The following USP42 variants were observed in gnomAD, a reference collection of about 807,000 sequenced individuals.
The protein encoded by USP42 is ubiquitin specific peptidase 42.
A neutral mutation model predicts 113.0 loss-of-function variants in USP42; 23 were observed. That is an observed-to-expected ratio of 0.20 (90% CI 0.15 to 0.29). The LOEUF (loss-of-function observed/expected upper bound fraction) is 0.29. USP42 is among the 10% of genes least tolerant of loss of function. The probability of loss-of-function intolerance (pLI) is 1.00; values close to 1 mark genes in which losing one functional copy is unlikely to be tolerated. For missense variants in USP42, 2,174 were observed against 1,779.8 expected, an observed-to-expected ratio of 1.22 and a Z score of -3.99; for synonymous variants, 933 against 699.0, an observed-to-expected ratio of 1.33 and a Z score of -5.28.
rs1306215467 is a variant in USP42, at chr7:6,139,105, C to T, written c.567C>T (p.His189=). The T allele has an allele frequency of 1.8e-5, 29 of 1,607,740 alleles. No homozygotes were observed. Among genetic ancestry groups the T allele is most frequent in the Non-Finnish European group, 2.3e-5 (27 of 1,177,088 alleles). ...GAAATTTTACAGGTATAGCTAGGCA[C>T]TTCCGTTTTGGAAACCAAGAAGATG... ...VINEMRRIAR[H]FRFGNQEDAH... The change falls in exon 5 of 18, where the codon CAC becomes CAT. Residue 189 remains histidine (H), a synonymous_variant. Coordinates refer to ENST00000306177, the MANE Select transcript of USP42 (RefSeq NM_032172.3). This position sits in a 1 kb window ranked among gnomAD's most constrained non-coding sequence, Gnocchi z 4.5.
chr7:6,139,511 T>C lies in USP42; in HGVS notation c.656+317T>C. The C allele has an allele frequency of 8.6e-6, 2 of 232,132 alleles. 1 individual carries two copies. Among genetic ancestry groups the C allele is most frequent in the South Asian group, 1.9e-4 (2 of 10,660 alleles). 14.4% of individuals were successfully genotyped at this position (232,132 alleles called of 1,614,324 possible). A position where few individuals can be genotyped will look rare whatever the true frequency, so the allele number is the denominator to read the frequency against. ...CAAACTAGCTGCTTCTCCTTTCTAG[T>C]TGTGCCTGACATTTTCTTTTCTCTG... On this transcript the variant is annotated intron_variant, in intron 5 of 17. Coordinates refer to ENST00000306177, the MANE Select transcript of USP42 (RefSeq NM_032172.3). This position sits in a 1 kb window ranked among gnomAD's most constrained non-coding sequence, Gnocchi z 4.5.
chr7:6,117,426 T>C (rs1779970832), intron 3 of USP42, among the ~76,000 whole-genome samples: 1 of 152,238 alleles, frequency 6.6e-6, no homozygotes, highest in Admixed American at 6.5e-5. Context: ...TAGATCACAA[T>C]TTGTTTCTCC....
At chr7:6,137,804 C>T (rs1445401612) in intron 4 of USP42, among the ~76,000 whole-genome samples, 2 of 152,124 alleles carry the variant, frequency 1.3e-5, no homozygotes, top group Non-Finnish European at 2.9e-5. Context: ...CGTCAGCCTC[C>T]TGAGTAGCTG....
At chr7:6,145,697 T>C (rs373581855) in intron 10 of USP42, 41 bp downstream of exon 10, 38 of 1,590,460 alleles carry the variant, frequency 2.4e-5, no homozygotes, top group Non-Finnish European at 3.3e-5. Context: ...GTTACATACA[T>C]GCTATAAGAC....
intron 4 of USP42, among the ~76,000 whole-genome samples, chr7:6,137,749 G>A (rs558189055): frequency 1.3e-5 from 2 of 152,200 alleles, no homozygotes; most frequent in Non-Finnish European, 1.5e-5. Flanking sequence ...GTGCAGTCTT[G>A]GCTCACTGCA....
intron 1 of USP42, among the ~76,000 whole-genome samples, chr7:6,109,439 C>G (rs1779471040): frequency 6.6e-6 from 1 of 152,172 alleles, no homozygotes. Context: ...CTATGTCAGT[C>G]TGGAGTGCAG....
At chr7:6,093,130 C>T in the USP42 span, 1 of 149,840 alleles carries the variant, frequency 6.7e-6, no homozygotes, top group South Asian at 2.1e-4. Flanking sequence ...TTCTTCCTTC[C>T]TTTCCTTTCC....
At chr7:6,117,823 G>A (rs764349842) in intron 3 of USP42, among the ~76,000 whole-genome samples, 3 of 151,950 alleles carry the variant, frequency 2.0e-5, no homozygotes, top group Non-Finnish European at 2.9e-5. Context: ...TTTCTTTTTT[G>A]TTTTGTTTTT....
At chr7:6,090,748 T>C in the USP42 span, among the ~76,000 whole-genome samples, 1 of 145,794 alleles carries the variant, frequency 6.9e-6, no homozygotes, top group Non-Finnish European at 1.5e-5. Context: ...ACTATATATA[T>C]ATTATATACT....
At position 6,150,434 on chromosome 7, in the gene USP42, C is replaced by G; in HGVS notation, c.2129C>G (p.Ser710Cys). 2 of 1,613,878 alleles carry G rather than the reference C, an allele frequency of 1.2e-6. No individual in the cohort carries two copies. Among genetic ancestry groups the G allele is most frequent in the Non-Finnish European group, 1.7e-6 (2 of 1,179,864 alleles). The change falls in exon 14 of 18, where the codon TCT becomes TGT. Residue 710 changes from serine to cysteine, a missense_variant. Coordinates refer to ENST00000306177, the MANE Select transcript of USP42 (RefSeq NM_032172.3). ...PGKLMPAPLL[S>C]LPEDKILETF... ...CAGTTGATGCCTGCTCCTTTGCTGT[C>G]TCTCCCAGAAGACAAAATCTTAGAG...
chr7:6,129,434 G>A (rs1235039009), intron 3 of USP42, among the ~76,000 whole-genome samples: 3 of 151,442 alleles, frequency 2.0e-5, no homozygotes, highest in African/African-American at 7.3e-5. Flanking sequence ...GCGGGCGCCT[G>A]TAATCCCAGC....
chr7:6,131,382 G>C (rs1289300778), intron 3 of USP42, among the ~76,000 whole-genome samples: 1 of 152,010 alleles, frequency 6.6e-6, no homozygotes, highest in Non-Finnish European at 1.5e-5. Flanking sequence ...GACGGGTGGG[G>C]AGATCACCTG....
the USP42 span, among the ~76,000 whole-genome samples, chr7:6,092,123 CCT>C: frequency 7.8e-6 from 1 of 128,972 alleles, no homozygotes; most frequent in Admixed American, 7.9e-5. Context: ...TCTTCCTCTT[CCT>C]TCTTCTTCTT....
intron 1 of USP42, among the ~76,000 whole-genome samples, chr7:6,106,737 T>C (rs1410570267): frequency 6.6e-6 from 1 of 152,102 alleles, no homozygotes; most frequent in Non-Finnish European, 1.5e-5. Context: ...GCTAATTTTT[T>C]TTTTTTTTCT....
In USP42 at chr7:6,154,799, A is replaced by AGCACGAGCGGGCCGGGCT. The variant is rs748026598; in HGVS notation, c.3256_3273dup (p.Ala1086_Arg1091dup). 855 of 1,546,902 alleles carry AGCACGAGCGGGCCGGGCT rather than the reference A, an allele frequency of 5.5e-4. 1 individual carries two copies. The highest frequency in any genetic ancestry group is 6.9e-4 in the Non-Finnish European group (793 of 1,145,298). On this transcript the variant is annotated inframe_insertion, in exon 15 of 18. Coordinates refer to ENST00000306177, the MANE Select transcript of USP42 (RefSeq NM_032172.3). ...TGGAAGCCCTTCCACGGCGGCCGCG[A>AGCACGAGCGGGCCGGGCT]GCACGAGCGGGCCGGGCTGCACGAG...
chr7:6,110,588 T>G (rs1361868827), intron 1 of USP42, among the ~76,000 whole-genome samples: 1 of 152,130 alleles, frequency 6.6e-6, no homozygotes, highest in African/African-American at 2.4e-5. Context: ...AAAGGTGAGA[T>G]CTCTATAATT....
chr7:6,141,201 CTTTTTTTTT>C (rs903124477), intron 7 of USP42, among the ~76,000 whole-genome samples: 1 of 124,000 alleles, frequency 8.1e-6, no homozygotes, highest in African/African-American at 3.0e-5. Flanking sequence ...TTTTTCTTTT[CTTTTTTTTT>C]TTTTTTTTTT....
chr7:6,132,856 T>G (rs1780926819), intron 3 of USP42, among the ~76,000 whole-genome samples: 1 of 152,182 alleles, frequency 6.6e-6, no homozygotes, highest in South Asian at 2.1e-4. Context: ...GTATTTTTAG[T>G]AGAGACGGGG....
At chr7:6,117,486 A>G (rs1251995520) in intron 3 of USP42, among the ~76,000 whole-genome samples, 21 of 152,202 alleles carry the variant, frequency 1.4e-4, no homozygotes. Flanking sequence ...GTGCCGTTAC[A>G]AATTAAGCTG....
Sources: allele counts gnomAD v4.1 joint callset (sites outside exome capture counted in the v4.1 genomes callset), GRCh38; gene constraint gnomAD v4.1.1; non-coding constraint Gnocchi (gnomAD v3.1); transcripts MANE v1.5; gene names NCBI Gene and HGNC (gene_info 2026-07-23, HGNC 2026-07-21).